The following ZFP64 variants were observed in gnomAD, a reference collection of about 807,000 sequenced individuals.
ZFP64 encodes ZFP64 zinc finger protein.
ZFP64 carries 14 observed loss-of-function variants against 51.6 expected under a neutral mutation model. The observed-to-expected ratio is 0.27, with a 90% CI of 0.18 to 0.42. The LOEUF is 0.42. ZFP64 is among the 10% of genes least tolerant of loss of function. ZFP64 has a pLI of 1.00. For synonymous variants in ZFP64, 375 were observed against 361.4 expected (o/e 1.04, Z -0.43); for missense variants, 754 against 906.8 (o/e 0.83, Z 2.16).
At chr20:52,127,192 C>G (rs1260706567) in intron 5 of ZFP64, among the ~76,000 whole-genome samples, 1 of 152,040 alleles carries the variant, frequency 6.6e-6, no homozygotes, top group Non-Finnish European at 1.5e-5. Context: ...CCTCATGATC[C>G]GCCGGCCTCG....
intron 5 of ZFP64, among the ~76,000 whole-genome samples, chr20:52,125,698 G>A (rs1979415519): frequency 6.6e-6 from 1 of 152,094 alleles, no homozygotes; most frequent in Admixed American, 6.6e-5. Flanking sequence ...CCACTGAGAT[G>A]AACATAATAA....
intron 7 of ZFP64, among the ~76,000 whole-genome samples, chr20:52,090,489 A>G (rs2078911373): frequency 6.6e-6 from 1 of 152,182 alleles, no homozygotes; most frequent in Non-Finnish European, 1.5e-5. Flanking sequence ...AGACAAGAGA[A>G]AAACAACCAT....
intron 5 of ZFP64, among the ~76,000 whole-genome samples, chr20:52,100,674 T>C (rs1036512445): frequency 6.6e-6 from 1 of 152,212 alleles, no homozygotes; most frequent in Non-Finnish European, 1.5e-5. Context: ...TGAAGGAATC[T>C]TAGCATGAGA....
chr20:52,097,113 TAA>T (rs10715971), intron 7 of ZFP64: 255 of 703,482 alleles, frequency 3.6e-4, no homozygotes, highest in East Asian at 7.3e-4. Context: ...CTGGCTGCCC[TAA>T]AAAAAAAAGC....
chr20:52,110,959 A>C (rs1978531008), intron 5 of ZFP64: 5 of 1,523,496 alleles, frequency 3.3e-6, no homozygotes, highest in South Asian at 1.1e-5. Flanking sequence ...GTTGAACTTC[A>C]CCAAGACGAA....
At chr20:52,088,174 A>G (rs1166584195) in intron 8 of ZFP64, 3 of 682,280 alleles carry the variant, frequency 4.4e-6, no homozygotes, top group Non-Finnish European at 7.1e-6. Context: ...GCTGGATTCT[A>G]TATAGTCAAG....
intron 4 of ZFP64, among the ~76,000 whole-genome samples, chr20:52,164,223 G>A (rs1487735919): frequency 1.3e-5 from 2 of 152,144 alleles, no homozygotes; most frequent in Non-Finnish European, 2.9e-5. Context: ...TGAGGTGGGC[G>A]GGTCGAGTGC....
chr20:52,165,597 GAAA>G (rs761869464), intron 3 of ZFP64: 3 of 632,136 alleles, frequency 4.7e-6, no homozygotes, highest in South Asian at 4.6e-5. Flanking sequence ...TATAGCATAG[GAAA>G]AAAATTTATA....
At chr20:52,163,286 G>A (rs1175843278) in intron 4 of ZFP64, among the ~76,000 whole-genome samples, 1 of 152,118 alleles carries the variant, frequency 6.6e-6, no homozygotes, top group African/African-American at 2.4e-5. Context: ...GCTTGAACCT[G>A]GGAGGCAGAA....
chr20:52,181,869 T>A (rs1418575287), intron 2 of ZFP64, among the ~76,000 whole-genome samples: 1 of 151,960 alleles, frequency 6.6e-6, no homozygotes, highest in Admixed American at 6.6e-5. Flanking sequence ...ATAGGAGGAA[T>A]TGCACCCAGA....
chr20:52,109,257 G>A (rs1369764812), intron 5 of ZFP64, among the ~76,000 whole-genome samples: 5 of 151,796 alleles, frequency 3.3e-5, no homozygotes, highest in East Asian at 2.0e-4. Context: ...TCCGCCTCCC[G>A]GGTTCATGCA....
At position 52,152,801 on chromosome 20, in the gene ZFP64, T is replaced by G; in HGVS notation, c.1391A>C (p.Gln464Pro). 1 of 1,611,066 alleles carries G rather than the reference T, an allele frequency of 6.2e-7. No homozygotes were observed. Among genetic ancestry groups the G allele is most frequent in the Middle Eastern group, 1.7e-4 (1 of 6,054 alleles). ...GGCGGGCTGCTTGCTGGGGTCGATC[T>G]GAAACTGGAGAACGGTCACGTCCGA... Reference protein sequence around the residue: ...KNSDVTVLQFQIDPSKQPATP... With the variant: ...KNSDVTVLQFPIDPSKQPATP... Residue 464 changes from glutamine (Q) to proline (P), a missense_variant, in exon 6 of 6, where the codon CAG becomes CCG. Physicochemically the swap from Gln to Pro is moderately conservative, Grantham distance 76 (BLOSUM62 -1). Transcript: ENST00000216923.
chr20:52,090,773 T>C (rs1406861159), intron 7 of ZFP64, among the ~76,000 whole-genome samples: 1 of 147,334 alleles, frequency 6.8e-6, no homozygotes, highest in African/African-American at 2.5e-5. Flanking sequence ...CACTCCAACC[T>C]GGGTGACAGA....
intron 2 of ZFP64, among the ~76,000 whole-genome samples, chr20:52,172,501 G>T (rs1982838099): frequency 6.6e-6 from 1 of 152,056 alleles, no homozygotes; most frequent in Admixed American, 6.5e-5. Flanking sequence ...CTGTATTCAG[G>T]TTTGGCATAA....
intron 5 of ZFP64, among the ~76,000 whole-genome samples, chr20:52,116,064 C>T (rs1264962681): frequency 6.6e-6 from 1 of 151,468 alleles, no homozygotes; most frequent in African/African-American, 2.4e-5. Context: ...GAACTCCCGA[C>T]CTCAGGTGAT....
chr20:52,147,904 C>T (rs1192889138), downstream of ZFP64, among the ~76,000 whole-genome samples: 2 of 152,028 alleles, frequency 1.3e-5, no homozygotes, highest in African/African-American at 4.8e-5. Flanking sequence ...GCCTGTAATC[C>T]CAGCTACTCA....
At chr20:52,150,304 C>T (rs1980730573), downstream of ZFP64, among the ~76,000 whole-genome samples, 1 of 151,128 alleles carries the variant, frequency 6.6e-6, no homozygotes, top group Non-Finnish European at 1.5e-5. Flanking sequence ...TATTTTTTTC[C>T]TAGTAATATT....
At chr20:52,118,879 G>A (rs970191355) in intron 5 of ZFP64, among the ~76,000 whole-genome samples, 2 of 152,132 alleles carry the variant, frequency 1.3e-5, no homozygotes, top group Non-Finnish European at 2.9e-5. Context: ...GCAGTGGCTC[G>A]CGCCTGTAAT....
chr20:52,186,857 G>C lies in ZFP64; in HGVS notation c.261C>G (p.Ile87Met), dbSNP rs556056541. The change falls in exon 2 of 6, where the codon ATC becomes ATG. Residue 87 changes from isoleucine (I) to methionine (M), a missense_variant. By Grantham distance (10) the Ile-to-Met change is conservative (BLOSUM62 1). Coordinates refer to ENST00000216923, the MANE Select transcript of ZFP64 (RefSeq NM_018197.3). ...CTGTGATTGTCTGGGTCTCCGAGGTGATGGTTCTGGTGGTGGTCTGAGTCT... is the reference window on the plus strand; with the variant it reads ...CTGTGATTGTCTGGGTCTCCGAGGTCATGGTTCTGGTGGTGGTCTGAGTCT... ...ATQTQTTTRT[I>M]TSETQTITVS... is the part of the protein sequence containing the mutation. The C allele has an allele frequency of 6.2e-7, 1 of 1,611,468 alleles. No homozygotes were observed. The highest frequency in any genetic ancestry group is 1.1e-5 in the South Asian group (1 of 91,008).
Sources: gnomAD v4.1 joint callset for allele counts (sites outside exome capture counted in the v4.1 genomes callset) on GRCh38, gnomAD v4.1.1 for gene constraint, MANE v1.5 for transcripts, NCBI Gene and HGNC (gene_info 2026-07-23, HGNC 2026-07-21) for gene names.